Variants in ATF7 observed in about 807,000 individuals in gnomAD.
The protein encoded by ATF7 is activating transcription factor 7.
Under a neutral mutation model 50.4 loss-of-function variants are expected in ATF7, and 10 were observed. The ratio of observed to expected loss-of-function variants is 0.20; its 90% CI spans 0.12 to 0.34. The LOEUF is 0.34. Ranked by LOEUF, ATF7 falls within the 10% of genes least tolerant of loss-of-function variation. The pLI is 1.00. For synonymous variants in ATF7, 201 were observed against 226.4 expected (o/e 0.89, Z 1.01); for missense variants, 465 against 613.9 (o/e 0.76, Z 2.56).
rs1293769926 is a variant in ATF7, at chr12:53,555,841, G to C, written c.49-3204C>G. On this transcript the variant is annotated intron_variant, in intron 2 of 11. Coordinates refer to ENST00000420353, the MANE Select transcript of ATF7 (RefSeq NM_006856.3). ...TGTTTTGTTTTGTTTTTGAGACAGAGTTTTGCTCTTGTTGCCCAGGCTGGA... is the reference window on the plus strand; with the variant it reads ...TGTTTTGTTTTGTTTTTGAGACAGACTTTTGCTCTTGTTGCCCAGGCTGGA... 4.0e-5 allele frequency among the ~76,000 whole-genome samples: 6 copies of C among 149,134 alleles called. No homozygotes were observed. In the East Asian group the frequency reaches 1.2e-3, roughly 30 times the overall value.
At chr12:53,611,799 G>T (rs928024940) in intron 1 of ATF7, among the ~76,000 whole-genome samples, 1 of 151,994 alleles carries the variant, frequency 6.6e-6, no homozygotes, top group Non-Finnish European at 1.5e-5. Flanking sequence ...TCACTGTGTT[G>T]GCCAGGCTGG....
At chr12:53,530,600 G>T (rs987158052) in intron 9 of ATF7, among the ~76,000 whole-genome samples, 4 of 151,370 alleles carry the variant, frequency 2.6e-5, no homozygotes, top group African/African-American at 4.8e-5. Flanking sequence ...ATTTATTTTT[G>T]TTGTTGTTGT....
rs541325681 is a variant in ATF7, at chr12:53,575,206, G to A, written c.49-22569C>T. On this transcript the variant is annotated intron_variant, in intron 2 of 11. Transcript: ENST00000420353. ...GCGGATCACCTGAGGTTGAGAGTTC[G>A]AGACCAGCCTGACCAACATGGAGAA... is the stretch of plus-strand genomic sequence containing the variant. Among the ~76,000 whole-genome samples the A allele has an allele frequency of 1.3e-3, 190 of 151,434 alleles. 1 individual carries two copies. The South Asian group carries it at 0.014, about 11-fold the overall frequency.
intron 8 of ATF7, 118 bp downstream of exon 8, chr12:53,532,392 G>A: frequency 1.3e-6 from 1 of 758,372 alleles, no homozygotes; most frequent in Non-Finnish European, 2.1e-6. Flanking sequence ...ACAGCAGGGA[G>A]TCCTTAGCTT....
In ATF7 at chr12:53,607,352, C is replaced by T. The variant is rs367698386; in HGVS notation, c.-21-6331G>A. On this transcript the variant is annotated intron_variant, in intron 1 of 11. Transcript: ENST00000420353. Reference sequence around the variant, plus strand: ...GTACTTTTGGGAGTACATATTTAGACGATCTTTCTGGAAGTCAATTTGGCA... The same window carrying T: ...GTACTTTTGGGAGTACATATTTAGATGATCTTTCTGGAAGTCAATTTGGCA... Among the ~76,000 whole-genome samples, 57 of 152,214 alleles carry T rather than the reference C, an allele frequency of 3.7e-4. 1 individual carries two copies. The South Asian group carries it at 7.7e-3, about 20-fold the overall frequency.
intron 8 of ATF7, 61 bp downstream of exon 8, chr12:53,532,449 G>T: frequency 7.4e-7 from 1 of 1,345,686 alleles, no homozygotes; most frequent in Non-Finnish European, 1.0e-6. Context: ...GAAAGACCTA[G>T]GCTGGTATCA....
intron 8 of ATF7, among the ~76,000 whole-genome samples, chr12:53,532,166 T>G (rs1249670771): frequency 6.6e-6 from 1 of 152,152 alleles, no homozygotes; most frequent in African/African-American, 2.4e-5. Context: ...AGCTCTCTCC[T>G]GGAGCCTGGC....
intron 4 of ATF7, among the ~76,000 whole-genome samples, chr12:53,538,792 T>C (rs1939369547): frequency 6.6e-6 from 1 of 152,198 alleles, no homozygotes; most frequent in African/African-American, 2.4e-5. Context: ...AAATTAAAGA[T>C]AATGTGATAT....
chr12:53,549,668 C>G (rs1422125878), intron 3 of ATF7, among the ~76,000 whole-genome samples: 1 of 152,144 alleles, frequency 6.6e-6, no homozygotes, highest in Non-Finnish European at 1.5e-5. Context: ...CAACCTCTGC[C>G]TCCCAGGTTC....
chr12:53,546,944 AGATGGGG>A (rs1939963855), intron 3 of ATF7, among the ~76,000 whole-genome samples: 1 of 142,966 alleles, frequency 7.0e-6, no homozygotes, highest in East Asian at 2.1e-4. Context: ...TTTTTTGTAG[AGATGGGG>A]TTTCTTTATG....
In ATF7 at chr12:53,513,035, G is replaced by A. The variant is rs1944175767; in HGVS notation, c.*4102C>T. 6.6e-6 allele frequency: 1 copy of A among 152,060 alleles called. No homozygotes were observed. The highest frequency in any genetic ancestry group is 1.5e-5 in the Non-Finnish European group (1 of 68,016). 9.4% of individuals were successfully genotyped at this position (152,060 alleles called of 1,614,324 possible). On this transcript the variant is annotated 3_prime_UTR_variant, in exon 12 of 12. Coordinates refer to ENST00000420353, the MANE Select transcript of ATF7 (RefSeq NM_006856.3). ...AAAGTCAGTGAAACTATTGCTCATA[G>A]CCACTTCTTACAGCTAAAACATCAC... is the stretch of plus-strand genomic sequence containing the variant.
Position 53,593,651 on chromosome 12 carries a change from C to T in ATF7, c.48+7302G>A, listed in dbSNP as rs377024138. ...AATGGCGCTTTTACTTGTCATTGTA[C>T]AAAGCCTGTTAAATATTTACAACAC... On this transcript the variant is annotated intron_variant, in intron 2 of 11. Transcript: ENST00000420353. Among the ~76,000 whole-genome samples, 23 of 152,300 alleles carry T rather than the reference C, an allele frequency of 1.5e-4. 1 individual carries two copies. In the East Asian group the frequency reaches 4.4e-3, roughly 29 times the overall value.
In ATF7 at chr12:53,537,499, G is replaced by C; in HGVS notation, c.318C>G (p.Ile106Met). 6.2e-7 allele frequency: 1 copy of C among 1,613,712 alleles called. No homozygotes were observed. The highest frequency in any genetic ancestry group is 8.5e-7 in the Non-Finnish European group (1 of 1,179,864). The stretch of plus-strand genomic sequence containing the variant: ...CTACCTCCACTGGCTCTTCTTCTTT[G>C]ATTTTGATGTCTGGTGTGGAAGGCA... The part of the protein sequence containing the change: ...MSLPSTPDIK[I>M]KEEEPVEVDS... The change falls in exon 5 of 12, where the codon ATC (isoleucine) becomes ATG (methionine). Residue 106 changes from isoleucine to methionine, a missense_variant. Coordinates refer to ENST00000420353, the MANE Select transcript of ATF7 (RefSeq NM_006856.3).
chr12:53,594,630 G>A (rs1340729737), intron 2 of ATF7, among the ~76,000 whole-genome samples: 2 of 152,202 alleles, frequency 1.3e-5, no homozygotes, highest in East Asian at 1.9e-4. Flanking sequence ...GCTTACGCCT[G>A]TAATCTCAGC....
At chr12:53,567,463 G>A (rs1024745173) in intron 2 of ATF7, among the ~76,000 whole-genome samples, 1 of 152,146 alleles carries the variant, frequency 6.6e-6, no homozygotes, top group African/African-American at 2.4e-5. Flanking sequence ...CTTATTTCTC[G>A]CTGCCCCTCT....
intron 1 of ATF7, among the ~76,000 whole-genome samples, chr12:53,612,531 C>T (rs1243489598): frequency 6.6e-6 from 1 of 152,088 alleles, no homozygotes; most frequent in Non-Finnish European, 1.5e-5. Context: ...TTCAGCCTCC[C>T]AAAGTGCTGG....
intron 2 of ATF7, among the ~76,000 whole-genome samples, chr12:53,576,571 G>C (rs1942078120): frequency 6.6e-6 from 1 of 152,134 alleles, no homozygotes; most frequent in African/African-American, 2.4e-5. Flanking sequence ...CTCTCCTCTG[G>C]AGGATGCTAT....
chr12:53,548,480 C>T (rs1326587428), intron 3 of ATF7, among the ~76,000 whole-genome samples: 1 of 151,768 alleles, frequency 6.6e-6, no homozygotes, highest in Non-Finnish European at 1.5e-5. Flanking sequence ...TACGTGCATG[C>T]GCCACCACAC....
intron 4 of ATF7, among the ~76,000 whole-genome samples, chr12:53,540,552 T>C (rs1939489373): frequency 1.3e-5 from 2 of 151,210 alleles, no homozygotes; most frequent in South Asian, 4.2e-4. Flanking sequence ...GGCAAAACCC[T>C]ATCTCTACTA....
Sources: allele counts gnomAD v4.1 joint callset (sites outside exome capture counted in the v4.1 genomes callset), GRCh38; gene constraint gnomAD v4.1.1; transcripts MANE v1.5; gene names NCBI Gene and HGNC (gene_info 2026-07-23, HGNC 2026-07-21).